The following SH3GL2 variants were observed in gnomAD, a reference collection of about 807,000 sequenced individuals.
SH3GL2 encodes the protein SH3 domain containing GRB2 like 2, endophilin A1, also known as endophilin-A1.
A neutral mutation model predicts 46.0 loss-of-function variants in SH3GL2; 24 were observed. The ratio of observed to expected loss-of-function variants is 0.52; its 90% CI spans 0.38 to 0.73. The LOEUF (loss-of-function observed/expected upper bound fraction) is 0.73. Ranked by LOEUF, SH3GL2 falls within the 30% of genes least tolerant of loss-of-function variation. The probability of loss-of-function intolerance (pLI) is 0.00; values close to 1 mark genes in which losing one functional copy is unlikely to be tolerated. For missense variants in SH3GL2, 413 were observed against 424.2 expected (o/e 0.97, Z 0.23); for synonymous variants, 196 against 147.1 (o/e 1.33, Z -2.40).
At chr9:17,788,650 A>G (rs1824031423) in intron 5 of SH3GL2, among the ~76,000 whole-genome samples, 1 of 152,142 alleles carries the variant, frequency 6.6e-6, no homozygotes, top group Non-Finnish European at 1.5e-5. Flanking sequence ...TCTACCAGGT[A>G]TGGTGCAAGG....
chr9:17,757,439 C>T (rs2131145535), intron 2 of SH3GL2, among the ~76,000 whole-genome samples: 1 of 151,778 alleles, frequency 6.6e-6, no homozygotes, highest in Non-Finnish European at 1.5e-5. Context: ...CCAGAATCTA[C>T]AAAGAACTCA....
At chr9:17,583,353 A>T (rs146993248) in intron 1 of SH3GL2, among the ~76,000 whole-genome samples, 57 of 152,296 alleles carry the variant, frequency 3.7e-4, no homozygotes, top group Non-Finnish European at 7.2e-4. Flanking sequence ...GAGGTGACTA[A>T]GTCATGAGGG....
chr9:17,718,998 G>A (rs1282435318), intron 1 of SH3GL2, among the ~76,000 whole-genome samples: 2 of 152,224 alleles, frequency 1.3e-5, no homozygotes, highest in Non-Finnish European at 2.9e-5. Flanking sequence ...ATCCTAAGGT[G>A]TCATAAAGAT....
rs373768362 is a variant in SH3GL2, at chr9:17,706,169, G to T, written c.46-40897G>T. Among the ~76,000 whole-genome samples, 3 of 151,920 alleles carry T rather than the reference G, an allele frequency of 2.0e-5. No homozygotes were observed. The South Asian group carries it at 6.2e-4, about 32-fold the overall frequency. ...TTGAGAGTTTACCCCTTTTATTCTGGAGTGGCAAAGGGACATGCCCAAGGC... is the reference window on the plus strand; with the variant it reads ...TTGAGAGTTTACCCCTTTTATTCTGTAGTGGCAAAGGGACATGCCCAAGGC... On this transcript the variant is annotated intron_variant, in intron 1 of 8. Transcript: ENST00000380607.
At chr9:17,686,898 C>G (rs779998509) in intron 1 of SH3GL2, among the ~76,000 whole-genome samples, 3 of 149,694 alleles carry the variant, frequency 2.0e-5, no homozygotes, top group South Asian at 4.3e-4. Context: ...ATGTAACTAA[C>G]CTGCACAATG....
At chr9:17,716,064 G>T (rs1002533553) in intron 1 of SH3GL2, among the ~76,000 whole-genome samples, 10 of 152,038 alleles carry the variant, frequency 6.6e-5, no homozygotes, top group African/African-American at 2.4e-4. Context: ...GTCTATGTTT[G>T]TACGTGTGTA....
At chr9:17,604,976 CATT>C (rs1480730049) in intron 1 of SH3GL2, among the ~76,000 whole-genome samples, 1 of 70,510 alleles carries the variant, frequency 1.4e-5, no homozygotes, top group East Asian at 3.4e-4. Context: ...TTTCACAAGT[CATT>C]TTTTTTTTTT....
At chr9:17,773,137 G>C (rs1335884989) in intron 3 of SH3GL2, among the ~76,000 whole-genome samples, 2 of 151,984 alleles carry the variant, frequency 1.3e-5, no homozygotes, top group Non-Finnish European at 2.9e-5. Flanking sequence ...TGTCTTCTTT[G>C]GGGAAATGTC....
At position 17,635,448 on chromosome 9, in the gene SH3GL2, T is replaced by G. The variant is rs147603724; in HGVS notation, c.45+56161T>G. 9.8e-5 allele frequency among the ~76,000 whole-genome samples: 15 copies of G among 152,330 alleles called. No homozygotes were observed. In the East Asian group the frequency reaches 2.9e-3, roughly 29 times the overall value. ...GACCTTCAAAGAATATTTGAGCATT[T>G]CTAACTGGAAGGAAGTGAAAAAGAA... On this transcript the variant is annotated intron_variant, in intron 1 of 8. Coordinates refer to ENST00000380607, the MANE Select transcript of SH3GL2 (RefSeq NM_003026.5).
intron 1 of SH3GL2, among the ~76,000 whole-genome samples, chr9:17,619,557 A>T (rs1413068270): frequency 1.3e-5 from 2 of 152,146 alleles, no homozygotes; most frequent in Non-Finnish European, 2.9e-5. Context: ...ATGCACCTGT[A>T]ATCCCAGCTA....
chr9:17,596,943 G>A (rs1245542737), intron 1 of SH3GL2, among the ~76,000 whole-genome samples: 1 of 152,068 alleles, frequency 6.6e-6, no homozygotes, highest in Non-Finnish European at 1.5e-5. Context: ...GCTTTCTCTG[G>A]GGCCTGCCAC....
intron 3 of SH3GL2, among the ~76,000 whole-genome samples, chr9:17,765,902 T>C (rs1823304479): frequency 6.6e-6 from 1 of 152,236 alleles, no homozygotes; most frequent in Non-Finnish European, 1.5e-5. Context: ...AATAAATGAA[T>C]TATGAAGCAC....
chr9:17,745,375 G>A (rs1822652578), intron 1 of SH3GL2, among the ~76,000 whole-genome samples: 1 of 152,184 alleles, frequency 6.6e-6, no homozygotes, highest in African/African-American at 2.4e-5. Context: ...GTGAGAGATA[G>A]GAACTAGGAT....
chr9:17,579,208 C>G lies in SH3GL2; in HGVS notation c.-35C>G. On this transcript the variant is annotated 5_prime_UTR_variant, in exon 1 of 9. Transcript: ENST00000380607. ...TCCAGTCCCCCTCCGCCTCCTCCCT[C>G]CCGCACAGCAGCCGCCAGCGCGGCC... is the stretch of plus-strand genomic sequence containing the variant. The G allele has an allele frequency of 6.6e-7, 1 of 1,515,258 alleles. No individual in the cohort carries two copies. The highest frequency in any genetic ancestry group is 1.2e-5 in the South Asian group (1 of 82,392). The allele number at this position is 1,515,258 out of a possible 1,614,324, so 93.9% of individuals were successfully genotyped here.
chr9:17,717,618 C>T (rs1484246683), intron 1 of SH3GL2, among the ~76,000 whole-genome samples: 1 of 152,120 alleles, frequency 6.6e-6, no homozygotes, highest in Non-Finnish European at 1.5e-5. Context: ...AATATGCCCT[C>T]TCTGCCTTCC....
chr9:17,712,767 A>C (rs1296353267), intron 1 of SH3GL2, among the ~76,000 whole-genome samples: 3 of 151,760 alleles, frequency 2.0e-5, no homozygotes, highest in Non-Finnish European at 4.4e-5. Flanking sequence ...TGTCCTTCAC[A>C]GTGTTTTCAA....
intron 5 of SH3GL2, 68 bp from the exon 6 acceptor site, chr9:17,789,324 G>C: frequency 7.9e-7 from 1 of 1,271,354 alleles, no homozygotes; most frequent in Non-Finnish European, 1.1e-6. Flanking sequence ...ACGTGATGGA[G>C]AAGTGAGCTC....
At chr9:17,612,712 T>C (rs921775877) in intron 1 of SH3GL2, among the ~76,000 whole-genome samples, 2 of 152,230 alleles carry the variant, frequency 1.3e-5, no homozygotes, top group African/African-American at 4.8e-5. Context: ...GTGTACTGTT[T>C]AAACCACTTA....
At chr9:17,748,797 C>T (rs565815278) in intron 2 of SH3GL2, among the ~76,000 whole-genome samples, 38 of 152,168 alleles carry the variant, frequency 2.5e-4, no homozygotes, top group African/African-American at 8.9e-4. Flanking sequence ...AAGCCCAGCA[C>T]AGAGGAAACT....
Sources: allele counts gnomAD v4.1 joint callset (sites outside exome capture counted in the v4.1 genomes callset), GRCh38; gene constraint gnomAD v4.1.1; transcripts MANE v1.5; gene names NCBI Gene and HGNC (gene_info 2026-07-23, HGNC 2026-07-21).